IFT74: variants seen among roughly 807,000 people sequenced by gnomAD.
IFT74 encodes the protein intraflagellar transport 74, also known as intraflagellar transport protein 74 homolog.
IFT74 carries 92 observed loss-of-function variants against 96.7 expected under a neutral mutation model. The ratio of observed to expected loss-of-function variants is 0.95; its 90% CI spans 0.80 to 1.13. IFT74 has a LOEUF of 1.13. IFT74 is among the 50% of genes most tolerant of loss of function. IFT74 has a pLI of 0.00. For missense variants in IFT74, 811 were observed against 698.2 expected (o/e 1.16, Z -1.82); for synonymous variants, 223 against 213.2 (o/e 1.05, Z -0.40).
intron 9 of IFT74, among the ~76,000 whole-genome samples, chr9:27,011,507 G>A (rs1156841124): frequency 3.3e-5 from 5 of 152,148 alleles, no homozygotes; most frequent in African/African-American, 4.8e-5. Flanking sequence ...GTGAAAACAC[G>A]GTTACAAATC....
At chr9:26,986,806 A>G (rs1428536858) in intron 6 of IFT74, among the ~76,000 whole-genome samples, 20 of 150,524 alleles carry the variant, frequency 1.3e-4, no homozygotes, top group Admixed American at 1.3e-3. Context: ...AATTTTTTGG[A>G]GAGATGGGGA....
intron 2 of IFT74, among the ~76,000 whole-genome samples, chr9:26,971,332 C>G (rs1371699383): frequency 6.6e-6 from 1 of 152,048 alleles, no homozygotes; most frequent in African/African-American, 2.4e-5. Context: ...CTCTCTGTGA[C>G]CTGTTTGGCT....
intron 8 of IFT74, among the ~76,000 whole-genome samples, chr9:26,997,559 C>T (rs1828230018): frequency 6.6e-6 from 1 of 152,162 alleles, no homozygotes; most frequent in South Asian, 2.1e-4. Flanking sequence ...GTCTCAAACT[C>T]CTGACCTCAG....
At chr9:27,020,664 C>T (rs1345728090) in intron 12 of IFT74, among the ~76,000 whole-genome samples, 8 of 151,774 alleles carry the variant, frequency 5.3e-5, no homozygotes, top group South Asian at 4.2e-4. Context: ...TTAGTAGAGA[C>T]GGGGTTTCAC....
intron 2 of IFT74, among the ~76,000 whole-genome samples, chr9:26,972,022 A>G (rs1318429631): frequency 1.3e-5 from 2 of 152,152 alleles, no homozygotes; most frequent in African/African-American, 4.8e-5. Flanking sequence ...ATTACCCAGG[A>G]GGACCCATCT....
chr9:27,062,728 G>A lies in IFT74; in HGVS notation c.1795G>A (p.Gly599Arg), dbSNP rs752868929. 15 of 1,558,672 alleles carry A rather than the reference G, an allele frequency of 9.6e-6. No homozygotes were observed. The highest frequency in any genetic ancestry group is 1.7e-5 in the Admixed American group (1 of 57,720). Residue 599 changes from glycine (G) to arginine (R), a missense_variant, in exon 20 of 20, where the codon GGA (glycine) becomes AGA (arginine). Gly to Arg is a moderately radical substitution (Grantham distance 125). Transcript: ENST00000380062. ...TIVDALHSTSGN is the reference protein window; with the variant it reads ...TIVDALHSTSRN ...CGTGGATGCTTTACATAGCACCAGC[G>A]GAAACTGAGTTTAAGTCCACTGAAA...
chr9:27,062,593 T>C, intron 19 of IFT74, 25 bp from the exon 20 acceptor site: 1 of 1,232,664 alleles, frequency 8.1e-7, no homozygotes, highest in East Asian at 2.4e-5. Flanking sequence ...TTGACATTGT[T>C]TTCCCCCTTA....
intron 2 of IFT74, among the ~76,000 whole-genome samples, chr9:26,975,893 G>T (rs1019554113): frequency 6.6e-6 from 1 of 152,172 alleles, no homozygotes; most frequent in Admixed American, 6.5e-5. Context: ...CTTCCCTTGT[G>T]GGAAATGGCA....
chr9:27,002,012 T>TG (rs1828522931), intron 8 of IFT74, among the ~76,000 whole-genome samples: 1 of 151,944 alleles, frequency 6.6e-6, no homozygotes, highest in African/African-American at 2.4e-5. Flanking sequence ...GATGCACGTC[T>TG]GGGGGGTCCT....
intron 12 of IFT74, among the ~76,000 whole-genome samples, chr9:27,024,316 C>T (rs1210347319): frequency 6.6e-6 from 1 of 152,158 alleles, no homozygotes; most frequent in Non-Finnish European, 1.5e-5. Flanking sequence ...CAGCTGAGAC[C>T]CTAAAGACAG....
intron 2 of IFT74, among the ~76,000 whole-genome samples, chr9:26,968,089 G>T (rs1826706528): frequency 6.9e-6 from 1 of 145,730 alleles, no homozygotes. Flanking sequence ...TTTTTAATCA[G>T]GATAATACTG....
intron 12 of IFT74, among the ~76,000 whole-genome samples, chr9:27,025,459 A>AG (rs1280988390): frequency 1.8e-4 from 26 of 145,878 alleles, no homozygotes; most frequent in Non-Finnish European, 2.6e-4. Flanking sequence ...AAAAAAAAAA[A>AG]AAAAGAAAAG....
chr9:27,000,622 G>T (rs936146582), intron 8 of IFT74, among the ~76,000 whole-genome samples: 5 of 152,098 alleles, frequency 3.3e-5, no homozygotes, highest in Non-Finnish European at 7.4e-5. Context: ...TTAAATATTT[G>T]TCTTTTCTTT....
intron 8 of IFT74, among the ~76,000 whole-genome samples, chr9:27,003,389 G>A (rs1587331156): frequency 1.3e-5 from 2 of 152,154 alleles, no homozygotes; most frequent in Admixed American, 6.5e-5. Flanking sequence ...CGGGTGCAGT[G>A]GCAGGCACCT....
chr9:27,016,843 AC>A lies in IFT74; in HGVS notation c.790-62del, dbSNP rs1829365367. The A allele has an allele frequency of 2.3e-6, 3 of 1,320,970 alleles. No homozygotes were observed. The Admixed American group carries it at 7.2e-5, about 32-fold the overall frequency. The allele number at this position is 1,320,970 out of a possible 1,614,324, so 81.8% of individuals were successfully genotyped here. A position where few individuals can be genotyped will look rare whatever the true frequency, so the allele number is the denominator to read the frequency against. ...TTTACCCCCATTCTTATAAACTGAA[AC>A]CTATTTTAGAATAATTATTGATAAA... On this transcript the variant is annotated intron_variant, in intron 10 of 19. Coordinates refer to ENST00000380062, the MANE Select transcript of IFT74 (RefSeq NM_025103.4).
chr9:27,048,981 G>C (rs572716192), intron 16 of IFT74, among the ~76,000 whole-genome samples: 1 of 152,118 alleles, frequency 6.6e-6, no homozygotes, highest in Admixed American at 6.5e-5. Flanking sequence ...CGGATCTCTC[G>C]TGAATGGCTC....
chr9:26,994,943 A>G (rs1780491356), intron 8 of IFT74: 1 of 152,424 alleles, frequency 6.6e-6, no homozygotes, highest in Admixed American at 6.5e-5. Context: ...ATTAGGGATT[A>G]TGCCTGAACA....
intron 1 of IFT74, among the ~76,000 whole-genome samples, chr9:26,947,694 C>G (rs1012736233): frequency 4.6e-5 from 7 of 152,306 alleles, no homozygotes; most frequent in Admixed American, 1.3e-4. Context: ...AACGAGAAAG[C>G]TTGAGGCCAA....
At chr9:26,965,752 C>T (rs1237305076) in intron 2 of IFT74, among the ~76,000 whole-genome samples, 1 of 151,972 alleles carries the variant, frequency 6.6e-6, no homozygotes, top group Non-Finnish European at 1.5e-5. Context: ...GAACACTGTA[C>T]CCAATATGTA....
Sources: allele counts gnomAD v4.1 joint callset (sites outside exome capture counted in the v4.1 genomes callset), GRCh38; gene constraint gnomAD v4.1.1; transcripts MANE v1.5; gene names NCBI Gene and HGNC (gene_info 2026-07-23, HGNC 2026-07-21).